Variants in DAPK2 observed in about 807,000 individuals in gnomAD.
DAPK2 encodes death associated protein kinase 2, also known as death-associated protein kinase 2.
DAPK2 carries 35 observed loss-of-function variants against 44.1 expected under a neutral mutation model. That is an observed-to-expected ratio of 0.79 (90% confidence interval 0.61 to 1.05). The LOEUF (loss-of-function observed/expected upper bound fraction) is 1.05. Among genes scored for constraint, DAPK2 ranks in the 50% least tolerant of loss-of-function variants. The pLI is 0.00. For missense variants in DAPK2, 453 were observed against 483.2 expected (o/e 0.94, Z 0.59); for synonymous variants, 174 against 182.6 (o/e 0.95, Z 0.38).
chr15:63,968,457 G>C (rs2078116601), intron 3 of DAPK2, among the ~76,000 whole-genome samples: 2 of 152,182 alleles, frequency 1.3e-5, no homozygotes, highest in South Asian at 2.1e-4. Flanking sequence ...CTCGCCAGCA[G>C]TTCTACCTAG....
intron 1 of DAPK2, among the ~76,000 whole-genome samples, chr15:64,010,198 TGTG>T (rs1333897316): frequency 6.6e-6 from 1 of 152,184 alleles, no homozygotes; most frequent in African/African-American, 2.4e-5. Context: ...GCCCAGCATC[TGTG>T]GTTTGATAAG....
chr15:63,946,298 C>T (rs187606576), intron 3 of DAPK2, among the ~76,000 whole-genome samples: 17 of 152,344 alleles, frequency 1.1e-4, no homozygotes, highest in Non-Finnish European at 2.2e-4. Flanking sequence ...CCCAGCACAG[C>T]GTGTCCTGAA....
intron 8 of DAPK2, among the ~76,000 whole-genome samples, chr15:63,913,412 G>A (rs2078846700): frequency 6.6e-6 from 1 of 152,050 alleles, no homozygotes; most frequent in Non-Finnish European, 1.5e-5. Flanking sequence ...CATTTCTTTG[G>A]AGGAGAGTCA....
rs538514538 is a variant in DAPK2 at position 63,949,955 on chromosome 15, T to C, written c.454-10594A>G. On this transcript the variant is annotated intron_variant, in intron 3 of 10. Transcript: ENST00000261891. Reference sequence around the variant, plus strand: ...AAATGTTCTGAAATTTTTTTCCCAATAAAAAGTTTTGAGGGAAAAAGACTT... The same window carrying C: ...AAATGTTCTGAAATTTTTTTCCCAACAAAAAGTTTTGAGGGAAAAAGACTT... 2.6e-5 allele frequency among the ~76,000 whole-genome samples: 4 copies of C among 152,320 alleles called. No homozygotes were observed. The South Asian group carries it at 8.3e-4, about 32-fold the overall frequency.
intron 1 of DAPK2, among the ~76,000 whole-genome samples, chr15:63,996,906 G>A (rs2078964718): frequency 6.6e-6 from 1 of 152,038 alleles, no homozygotes; most frequent in African/African-American, 2.4e-5. Flanking sequence ...GCTTGCAGGT[G>A]GCCTATTCCC....
rs1567290154 is a variant in DAPK2, at chr15:64,036,326, T to TATACAC, written c.92+3843_92+3844insGTGTAT. On this transcript the variant is annotated intron_variant, in intron 1 of 10. Transcript: ENST00000261891. Reference sequence around the variant, plus strand: ...GTGTGTGTGTATATATATGTATATATATATATATATACATATATATATATA... The same window carrying TATACAC: ...GTGTGTGTGTATATATATGTATATATATACACATATATATATACATATATATATATA... Among the ~76,000 whole-genome samples, 9 of 109,694 alleles carry TATACAC rather than the reference T, an allele frequency of 8.2e-5. 1 individual carries two copies. The highest frequency in any genetic ancestry group is 2.7e-4 in the African/African-American group (9 of 33,628). 72.0% of individuals were successfully genotyped at this position (109,694 alleles called of 152,430 possible).
chr15:63,971,289 T>G, intron 3 of DAPK2, 134 bp downstream of exon 4: 2 of 1,124,634 alleles, frequency 1.8e-6, no homozygotes, highest in Non-Finnish European at 2.5e-6. Context: ...ATCTTTCCCA[T>G]GAGCTCAGGG....
rs1460546 is a variant in DAPK2, at chr15:63,990,909, C to A, written c.93-7155G>T. Among the ~76,000 whole-genome samples, 57,070 of 151,972 alleles carry A rather than the reference C, an allele frequency of 0.38. 11,490 individuals are homozygous for A. The highest frequency in any genetic ancestry group is 0.45 in the Non-Finnish European group (30,787 of 67,916). ...CCACACCCACATCCCACAGCCACAG[C>A]CTGCCTGGGGATGGTGTCACTGAGC... On this transcript the variant is annotated intron_variant, in intron 1 of 10. Transcript: ENST00000261891. This position sits in a 1 kb window ranked among gnomAD's most constrained non-coding sequence, Gnocchi z 4.3.
chr15:63,979,502 C>A (rs1462885292), intron 2 of DAPK2, among the ~76,000 whole-genome samples: 2 of 152,204 alleles, frequency 1.3e-5, no homozygotes, highest in South Asian at 2.1e-4. Context: ...CAGCTTTCAA[C>A]TGAGTAGGTG....
rs1367491000 is a variant in DAPK2, at chr15:64,036,299, G to GTATA, written c.92+3870_92+3871insTATA. ...TGTGTGTGTGTGTGTGTGTGTGTGT[G>GTATA]TGTGTGTGTGTATATATATGTATAT... On this transcript the variant is annotated intron_variant, in intron 1 of 10. Coordinates refer to ENST00000261891, the Ensembl canonical transcript of DAPK2. 1.7e-4 allele frequency among the ~76,000 whole-genome samples: 8 copies of GTATA among 47,580 alleles called. 1 individual carries two copies. The highest frequency in any genetic ancestry group is 2.5e-4 in the African/African-American group (6 of 24,076). The allele number at this position is 47,580 out of a possible 152,430, so 31.2% of individuals were successfully genotyped here.
intron 1 of DAPK2, among the ~76,000 whole-genome samples, chr15:63,989,138 C>T (rs2078746413): frequency 6.7e-6 from 1 of 149,526 alleles, no homozygotes. Context: ...CGAGATCATG[C>T]CACTGCACTG....
At chr15:63,962,925 T>C (rs1364747562) in intron 3 of DAPK2, among the ~76,000 whole-genome samples, 1 of 152,250 alleles carries the variant, frequency 6.6e-6, no homozygotes, top group Non-Finnish European at 1.5e-5. Flanking sequence ...CTGCCTTTTA[T>C]TCAGCTATGC....
intron 3 of DAPK2, among the ~76,000 whole-genome samples, chr15:63,969,464 C>T (rs955619576): frequency 4.7e-5 from 7 of 148,478 alleles, no homozygotes; most frequent in East Asian, 4.1e-4. Context: ...CATGGCCAGA[C>T]GCAGTGGCTC....
intron 3 of DAPK2, among the ~76,000 whole-genome samples, chr15:63,943,427 A>T (rs954476033): frequency 6.6e-6 from 1 of 152,172 alleles, no homozygotes; most frequent in African/African-American, 2.4e-5. Flanking sequence ...GACCCTGTCA[A>T]AAAGAAAAAA....
chr15:63,967,666 G>T (rs1231983730), intron 3 of DAPK2, among the ~76,000 whole-genome samples: 1 of 152,150 alleles, frequency 6.6e-6, no homozygotes, highest in African/African-American at 2.4e-5. Context: ...ACTCCAACCT[G>T]GGCAACAGAG....
chr15:63,935,399 G>A (rs2077114862), intron 4 of DAPK2: 1 of 152,030 alleles, frequency 6.6e-6, no homozygotes, highest in Admixed American at 6.6e-5. Flanking sequence ...CCTCATTCTT[G>A]AGATATATTT....
At chr15:63,922,975 C>G in intron 8 of DAPK2, 2 of 1,535,892 alleles carry the variant, frequency 1.3e-6, no homozygotes, top group Non-Finnish European at 1.7e-6. Context: ...GGCTACATCC[C>G]GTGGCCTGGA....
intron 2 of DAPK2, among the ~76,000 whole-genome samples, chr15:63,982,820 A>G (rs1458847973): frequency 6.6e-6 from 1 of 152,186 alleles, no homozygotes; most frequent in Non-Finnish European, 1.5e-5. Flanking sequence ...TAAAATGGGG[A>G]TAATAAGAGT....
chr15:63,959,893 C>G (rs903898600), intron 3 of DAPK2, among the ~76,000 whole-genome samples: 1 of 152,196 alleles, frequency 6.6e-6, no homozygotes, highest in Non-Finnish European at 1.5e-5. Context: ...AGGATTCCCT[C>G]TTTTTCTATT....
Sources: allele counts gnomAD v4.1 joint callset (sites outside exome capture counted in the v4.1 genomes callset), GRCh38; gene constraint gnomAD v4.1.1; non-coding constraint Gnocchi (gnomAD v3.1); transcripts MANE v1.5; gene names NCBI Gene and HGNC (gene_info 2026-07-23, HGNC 2026-07-21).